The following BTN3A2 variants were observed in gnomAD, a reference collection of about 807,000 sequenced individuals.
BTN3A2 encodes butyrophilin protein.
Under a neutral mutation model 37.6 loss-of-function variants are expected in BTN3A2, and 25 were observed. That is an observed-to-expected ratio of 0.66 (90% CI 0.48 to 0.93). BTN3A2 has a LOEUF of 0.93. Among genes scored for constraint, BTN3A2 ranks in the 40% least tolerant of loss-of-function variants. BTN3A2 has a pLI of 0.00. For synonymous variants in BTN3A2, 122 were observed against 159.4 expected, an observed-to-expected ratio of 0.77 and a Z score of 1.77; for missense variants, 266 against 410.9, an observed-to-expected ratio of 0.65 and a Z score of 3.05.
At chr6:26,370,918 A>G (rs1760047684) in intron 5 of BTN3A2, among the ~76,000 whole-genome samples, 1 of 152,190 alleles carries the variant, frequency 6.6e-6, no homozygotes, top group African/African-American at 2.4e-5. Flanking sequence ...ACAAACTCAT[A>G]TCATAGAGAA....
intron 4 of BTN3A2, 42 bp from the exon 5 acceptor site, chr6:26,370,280 A>G: frequency 6.2e-7 from 1 of 1,601,662 alleles, no homozygotes; most frequent in Non-Finnish European, 8.5e-7. Context: ...CCTCCCTAAT[A>G]CAGGAGCTAT....
chr6:26,368,132 G>T (rs373674423), intron 2 of BTN3A2, 46 bp from the exon 3 acceptor site: 1 of 1,607,654 alleles, frequency 6.2e-7, no homozygotes, highest in African/African-American at 1.3e-5. Context: ...GCTTCTTCCA[G>T]GCCATAGTGT....
intron 1 of BTN3A2, among the ~76,000 whole-genome samples, chr6:26,366,793 A>C (rs1759548654): frequency 6.6e-6 from 1 of 152,172 alleles, no homozygotes; most frequent in Non-Finnish European, 1.5e-5. Flanking sequence ...CCAGACCCAC[A>C]GCAGCTGGTA....
intron 5 of BTN3A2, among the ~76,000 whole-genome samples, chr6:26,372,533 A>G (rs1760215623): frequency 6.6e-6 from 1 of 152,224 alleles, no homozygotes. Flanking sequence ...AGAAGTTAAT[A>G]CATGGAGGGA....
chr6:26,371,702 A>G (rs1238857460), intron 5 of BTN3A2, among the ~76,000 whole-genome samples: 1 of 151,782 alleles, frequency 6.6e-6, no homozygotes, highest in East Asian at 1.9e-4. Flanking sequence ...TTTTTTAGAC[A>G]AAGTCTCACT....
Position 26,377,115 on chromosome 6 carries a change from C to A in BTN3A2, c.*1353C>A. On this transcript the variant is annotated 3_prime_UTR_variant, in exon 11 of 11. Coordinates refer to ENST00000377708, the MANE Select transcript of BTN3A2 (RefSeq NM_007047.5). ...CCCAATACCAAAAGTAGAGAGTTCC[C>A]CCGATCCCGACCTAGTGCCTGATCA... 7.6e-7 allele frequency: 1 copy of A among 1,319,568 alleles called. No homozygotes were observed. 81.7% of individuals were successfully genotyped at this position (1,319,568 alleles called of 1,614,324 possible).
chr6:26,372,493 A>G (rs562589887), intron 5 of BTN3A2, among the ~76,000 whole-genome samples: 19 of 152,208 alleles, frequency 1.2e-4, no homozygotes, highest in Non-Finnish European at 2.6e-4. Context: ...TCCACAGGTT[A>G]TGTTCCTAAG....
intron 8 of BTN3A2, 180 bp downstream of exon 8, chr6:26,373,593 A>T: frequency 8.7e-6 from 4 of 460,068 alleles, no homozygotes; most frequent in Non-Finnish European, 1.1e-5. Flanking sequence ...CTCTAGAAAA[A>T]AAAAAAAAAA....
rs1760534805 is a variant in BTN3A2, at chr6:26,374,701, G to A, written c.*7-70G>A. On this transcript the variant is annotated intron_variant, in intron 9 of 10. Coordinates refer to ENST00000377708, the MANE Select transcript of BTN3A2 (RefSeq NM_007047.5). ...AAGAAAAGGAGAGAAAACATGTAGT[G>A]AGAGGAGAATGGAGTGGGAAAAGTA... is the stretch of plus-strand genomic sequence containing the variant. 49 of 1,421,994 alleles carry A rather than the reference G, an allele frequency of 3.4e-5. 1 individual carries two copies. In the South Asian group the frequency reaches 5.4e-4, roughly 16 times the overall value. 88.1% of individuals were successfully genotyped at this position (1,421,994 alleles called of 1,614,324 possible).
Position 26,372,790 on chromosome 6 carries a change from T to C in BTN3A2, c.716-107T>C, listed in dbSNP as rs928005687. 3.2e-5 allele frequency: 42 copies of C among 1,330,806 alleles called. No homozygotes were observed. The African/African-American group carries it at 6.0e-4, about 19-fold the overall frequency. The allele number at this position is 1,330,806 out of a possible 1,614,324, so 82.4% of individuals were successfully genotyped here. On this transcript the variant is annotated intron_variant, in intron 5 of 10. Coordinates refer to ENST00000377708, the MANE Select transcript of BTN3A2 (RefSeq NM_007047.5). The stretch of plus-strand genomic sequence containing the variant: ...AGAATCCTTATTTAACCTCATGAGA[T>C]AGATTCCCCACCCCCGACCTGAGCT...
chr6:26,369,190 C>T (rs1221702092), intron 4 of BTN3A2, among the ~76,000 whole-genome samples: 1 of 152,198 alleles, frequency 6.6e-6, no homozygotes, highest in African/African-American at 2.4e-5. Context: ...GCATAAGAAA[C>T]CATCTCTTCA....
In BTN3A2 at chr6:26,373,237, C is replaced by CTT. The variant is rs750198408; in HGVS notation, c.917-15_917-14dup. 4.1e-3 allele frequency: 5,481 copies of CTT among 1,340,732 alleles called. 1 individual carries two copies. The highest frequency in any genetic ancestry group is 0.01 in the South Asian group (775 of 73,896). 83.1% of individuals were successfully genotyped at this position (1,340,732 alleles called of 1,614,324 possible). On this transcript the variant is annotated intron_variant, in intron 6 of 10. Coordinates refer to ENST00000377708, the MANE Select transcript of BTN3A2 (RefSeq NM_007047.5). ...ACCAACCTCACCCATAACAGTTCATCTTTTTTTTTTTTTTTTTTTTTTTTT... is the reference window on the plus strand; with the variant it reads ...ACCAACCTCACCCATAACAGTTCATCTTTTTTTTTTTTTTTTTTTTTTTTTTT...
At chr6:26,368,367 C>T (rs947729581) in intron 3 of BTN3A2, 100 bp downstream of exon 3, 5 of 1,529,154 alleles carry the variant, frequency 3.3e-6, no homozygotes, top group South Asian at 1.1e-5. Context: ...CCTCTTAGAA[C>T]CTTTAACTCA....
Position 26,370,481 on chromosome 6 carries a change from G to C in BTN3A2, c.593G>C (p.Gly198Ala). ...PAVEAPVVADGVGLYEVAASV... is the reference protein window; with the variant it reads ...PAVEAPVVADAVGLYEVAASV... The stretch of plus-strand genomic sequence containing the variant: ...GTGGAAGCACCTGTGGTTGCAGATG[G>C]AGTGGGCCTATATGAAGTAGCAGCA... The change falls in exon 5 of 11, where the codon GGA (glycine) becomes GCA (alanine). Residue 198 changes from glycine to alanine, a missense_variant. This residue lies in a region of BTN3A2 where 204 missense variants were observed against 232.6 expected (regional missense o/e 0.88). Transcript: ENST00000377708. 6.2e-7 allele frequency: 1 copy of C among 1,614,226 alleles called. No homozygotes were observed. The highest frequency in any genetic ancestry group is 8.5e-7 in the Non-Finnish European group (1 of 1,180,036).
chr6:26,365,473 CCTGTGT>C lies in BTN3A2; in HGVS notation c.-67+122_-67+127del, dbSNP rs772518390. 4 of 729,254 alleles carry C rather than the reference CCTGTGT, an allele frequency of 5.5e-6. No homozygotes were observed. In the African/African-American group the frequency reaches 1.2e-4, roughly 21 times the overall value. The allele number at this position is 729,254 out of a possible 1,614,324, so 45.2% of individuals were successfully genotyped here. On this transcript the variant is annotated intron_variant, in intron 1 of 10. Coordinates refer to ENST00000377708, the MANE Select transcript of BTN3A2 (RefSeq NM_007047.5). ...CTCTCCCAGAGAAAGGGGTGCAGTG[CCTGTGT>C]GTGTGTGTGTGTGTGTGTGTGTGTG...
Position 26,377,186 on chromosome 6 carries a change from G to A in BTN3A2, c.*1424G>A. 2 of 1,222,478 alleles carry A rather than the reference G, an allele frequency of 1.6e-6. No individual in the cohort carries two copies. Among genetic ancestry groups the A allele is most frequent in the Non-Finnish European group, 2.4e-6 (2 of 824,972 alleles). 75.7% of individuals were successfully genotyped at this position (1,222,478 alleles called of 1,614,324 possible). The stretch of plus-strand genomic sequence containing the variant: ...CCCCAGGCTTAGCTAATGAAAGTGG[G>A]GAGCCTCAGGCTGAAGTAACATCTC... On this transcript the variant is annotated 3_prime_UTR_variant, in exon 11 of 11. Coordinates refer to ENST00000377708, the MANE Select transcript of BTN3A2 (RefSeq NM_007047.5).
intron 1 of BTN3A2, 122 bp downstream of exon 1, chr6:26,365,474 CTGTGTGTGTGTGTGTGTGTGTGTGTG>C (rs55949951): frequency 7.3e-6 from 4 of 549,268 alleles, no homozygotes; most frequent in Non-Finnish European, 9.2e-6. Flanking sequence ...GGTGCAGTGC[CTGTGTGTGTGTGTGTGTGTGTGTGTG>C]TGTGTGTGTG....
At chr6:26,370,685 AC>A in intron 5 of BTN3A2, 82 bp downstream of exon 5, 2 of 1,581,280 alleles carry the variant, frequency 1.3e-6, no homozygotes, top group Non-Finnish European at 8.6e-7. Context: ...TCTGTGGTCG[AC>A]CTGGGTCTCT....
rs1760759289 is a variant in BTN3A2 at position 26,377,119 on chromosome 6, A to T, written c.*1357A>T. 3 of 1,314,212 alleles carry T rather than the reference A, an allele frequency of 2.3e-6. No homozygotes were observed. Among genetic ancestry groups the T allele is most frequent in the Non-Finnish European group, 3.3e-6 (3 of 907,894 alleles). 81.4% of individuals were successfully genotyped at this position (1,314,212 alleles called of 1,614,324 possible). ...ATACCAAAAGTAGAGAGTTCCCCCG[A>T]TCCCGACCTAGTGCCTGATCATTCC... On this transcript the variant is annotated 3_prime_UTR_variant, in exon 11 of 11. Coordinates refer to ENST00000377708, the MANE Select transcript of BTN3A2 (RefSeq NM_007047.5).
Sources: gnomAD v4.1 joint callset for allele counts (sites outside exome capture counted in the v4.1 genomes callset) on GRCh38, gnomAD v4.1.1 for gene constraint, gnomAD v4.1.1 regional missense constraint, MANE v1.5 for transcripts, NCBI Gene and HGNC (gene_info 2026-07-23, HGNC 2026-07-21) for gene names.